SPATA22: variants seen among roughly 807,000 people sequenced by gnomAD.
The protein encoded by SPATA22 is spermatogenesis associated 22.
SPATA22 carries 29 observed loss-of-function variants against 47.8 expected under a neutral mutation model. That is an observed-to-expected ratio of 0.61 (90% CI 0.45 to 0.83). SPATA22 has a LOEUF of 0.83. SPATA22 is among the 40% of genes least tolerant of loss of function. The pLI, the probability that SPATA22 is intolerant of heterozygous loss-of-function variation, is 0.00. For synonymous variants in SPATA22, 133 were observed against 140.9 expected, an observed-to-expected ratio of 0.94 and a Z score of 0.40; for missense variants, 410 against 421.7, an observed-to-expected ratio of 0.97 and a Z score of 0.24.
At chr17:3,494,568 C>T in intron 1 of SPATA22, 1 of 881,730 alleles carries the variant, frequency 1.1e-6, no homozygotes. Flanking sequence ...TTGATGCTCT[C>T]ATTAGACACT....
chr17:3,456,950 C>T lies in SPATA22; in HGVS notation c.329+5533G>A, dbSNP rs2073013289. ...TAAACAGAGCCAAAGACAAAAACCA[C>T]ATGATTATCTCAATAGATGCAGAAA... On this transcript the variant is annotated intron_variant, in intron 5 of 8. Coordinates refer to ENST00000572969, the MANE Select transcript of SPATA22 (RefSeq NM_001170698.2). Among the ~76,000 whole-genome samples the T allele has an allele frequency of 1.3e-5, 2 of 151,172 alleles. 1 individual carries two copies. The highest frequency in any genetic ancestry group is 2.9e-5 in the Non-Finnish European group (2 of 67,814).
intron 7 of SPATA22, among the ~76,000 whole-genome samples, chr17:3,445,535 T>A (rs187234885): frequency 1.0e-3 from 156 of 152,274 alleles, no homozygotes; most frequent in African/African-American, 3.6e-3. Flanking sequence ...CAAGCCCACA[T>A]GGACTTCTGA....
At chr17:3,476,153 T>C (rs1484581332), upstream of SPATA22, 9 of 1,611,156 alleles carry the variant, frequency 5.6e-6, no homozygotes, top group Non-Finnish European at 6.8e-6. Context: ...AAAAACTACT[T>C]GGTGAAATGA....
At chr17:3,481,658 C>A in intron 1 of SPATA22, 2 of 1,613,774 alleles carry the variant, frequency 1.2e-6, no homozygotes, top group South Asian at 1.1e-5. Context: ...AGAAATAAAT[C>A]ATTTATTTGG....
chr17:3,463,583 G>C (rs55856826), intron 3 of SPATA22, among the ~76,000 whole-genome samples: 49,974 of 151,954 alleles, frequency 0.33, 10,520 homozygotes, highest in Non-Finnish European at 0.48. Context: ...ATTAAGTGGT[G>C]AGTGAATACG....
rs1462556067 is a variant in SPATA22 at position 3,485,024 on chromosome 17, T to G, written c.-73-15626A>C. On this transcript the variant is annotated intron_variant, in intron 1 of 8. Transcript: ENST00000541913. The surrounding 1 kb of genome is among the most constrained non-coding windows in gnomAD (Gnocchi z 4.4). ...ATCATCATTCACAGTAGGGTTTTGT[T>G]TTGTTTTTTTTCTGGAAAAGGGTCT... 6.6e-6 allele frequency among the ~76,000 whole-genome samples: 1 copy of G among 152,062 alleles called. No homozygotes were observed. The highest frequency in any genetic ancestry group is 1.5e-5 in the Non-Finnish European group (1 of 68,002).
chr17:3,480,879 T>C lies in SPATA22; in HGVS notation c.-73-11481A>G, dbSNP rs1008268005. Among the ~76,000 whole-genome samples the C allele has an allele frequency of 1.4e-4, 22 of 152,312 alleles. 1 individual carries two copies. The highest frequency in any genetic ancestry group is 1.4e-3 in the Admixed American group (22 of 15,302). ...GGTTAGATCTCTTTCATTGTAATAA[T>C]TGTCTCAGTTATAATTTTTGCAAAG... On this transcript the variant is annotated intron_variant, in intron 1 of 8. Coordinates refer to the SPATA22 transcript ENST00000541913.
chr17:3,484,960 T>C (rs1365498507), intron 1 of SPATA22, among the ~76,000 whole-genome samples: 2 of 152,190 alleles, frequency 1.3e-5, no homozygotes, highest in East Asian at 3.8e-4. Context: ...AAATATTAGC[T>C]CAAATTACCA....
intron 1 of SPATA22, among the ~76,000 whole-genome samples, chr17:3,481,064 A>G (rs550937039): frequency 6.6e-6 from 1 of 152,166 alleles, no homozygotes; most frequent in Non-Finnish European, 1.5e-5. Flanking sequence ...TTGAGGGTAC[A>G]GTGATCCATA....
intron 5 of SPATA22, among the ~76,000 whole-genome samples, chr17:3,452,247 C>T (rs557743130): frequency 2.9e-5 from 4 of 139,378 alleles, no homozygotes; most frequent in African/African-American, 1.1e-4. Flanking sequence ...CATATAAAGG[C>T]AATAATAAGA....
chr17:3,467,423 T>C lies in SPATA22; in HGVS notation c.172+3A>G. ...AAAATTTTTACCTTATTAATTTTCT[T>C]ACCTGTAGGTAGAGGAGGAAAATCA... On this transcript the variant is annotated splice_donor_region_variant and intron_variant, in intron 3 of 8. Coordinates refer to ENST00000572969, the MANE Select transcript of SPATA22 (RefSeq NM_001170698.2). The C allele has an allele frequency of 6.3e-7, 1 of 1,576,746 alleles. No homozygotes were observed. The highest frequency in any genetic ancestry group is 1.2e-5 in the South Asian group (1 of 80,412).
upstream of SPATA22, chr17:3,475,933 C>A: frequency 1.8e-6 from 1 of 557,782 alleles, no homozygotes; most frequent in South Asian, 2.1e-5. Context: ...TTGATCTTTG[C>A]ATATTTTAAT....
chr17:3,462,978 A>T (rs1260686953), intron 3 of SPATA22, among the ~76,000 whole-genome samples: 1 of 152,228 alleles, frequency 6.6e-6, no homozygotes, highest in Non-Finnish European at 1.5e-5. Flanking sequence ...TATTTTAAGC[A>T]AAGATAATTT....
At chr17:3,484,919 C>G (rs1353426823) in intron 1 of SPATA22, among the ~76,000 whole-genome samples, 1 of 152,148 alleles carries the variant, frequency 6.6e-6, no homozygotes, top group East Asian at 1.9e-4. Context: ...GTTCCCTATC[C>G]CCTTCTGCAG....
Position 3,452,098 on chromosome 17 carries a change from T to A in SPATA22, c.330-2949A>T, listed in dbSNP as rs368827535. ...GAAACAAAACATAACATACCAAAAC[T>A]TATGGGAAAGCAAAAGCAGTACTAA... On this transcript the variant is annotated intron_variant, in intron 5 of 8. Transcript: ENST00000572969. Among the ~76,000 whole-genome samples the A allele has an allele frequency of 1.7e-4, 26 of 150,682 alleles. No individual in the cohort carries two copies. The East Asian group carries it at 3.9e-3, about 23-fold the overall frequency.
chr17:3,480,982 T>A (rs958199392), intron 1 of SPATA22, among the ~76,000 whole-genome samples: 1 of 152,124 alleles, frequency 6.6e-6, no homozygotes, highest in African/African-American at 2.4e-5. Context: ...TAGCTGGGCA[T>A]GGTGGCACGC....
chr17:3,453,679 A>G (rs1318822911), intron 5 of SPATA22, among the ~76,000 whole-genome samples: 1 of 152,168 alleles, frequency 6.6e-6, no homozygotes, highest in East Asian at 1.9e-4. Context: ...ATGCTCCAAA[A>G]TTTGAAACTT....
Position 3,448,853 on chromosome 17 carries a change from T to C in SPATA22, c.626A>G (p.Tyr209Cys). 6.2e-7 allele frequency: 1 copy of C among 1,612,942 alleles called. No individual in the cohort carries two copies. Among genetic ancestry groups the C allele is most frequent in the Non-Finnish European group, 8.5e-7 (1 of 1,179,542 alleles). ...AATATCATCCAACATTTGTTTCTTA[T>C]ATTGATTTTGTTGAAAATTGGGCTT... Reference protein sequence around the residue: ...TLKPNFQQNQYKKQMLDDIPE... With the variant: ...TLKPNFQQNQCKKQMLDDIPE... The change falls in exon 6 of 9, where the codon TAT becomes TGT. Residue 209 changes from tyrosine (Y) to cysteine (C), a missense_variant. By Grantham distance (194) the Tyr-to-Cys change is radical. Transcript: ENST00000572969.
intron 1 of SPATA22, among the ~76,000 whole-genome samples, chr17:3,489,774 T>G (rs923375): frequency 2.0e-5 from 3 of 151,902 alleles, no homozygotes; most frequent in Non-Finnish European, 2.9e-5. Flanking sequence ...AGTGAACATA[T>G]AAGTTGGTAA....
Sources: gnomAD v4.1 joint callset for allele counts (sites outside exome capture counted in the v4.1 genomes callset) on GRCh38, gnomAD v4.1.1 for gene constraint, Gnocchi (gnomAD v3.1) non-coding constraint, MANE v1.5 for transcripts, NCBI Gene and HGNC (gene_info 2026-07-23, HGNC 2026-07-21) for gene names.